Variants in ADAMTS17 observed in about 807,000 individuals in gnomAD.
The protein encoded by ADAMTS17 is A disintegrin and metalloproteinase with thrombospondin motifs 17.
A neutral mutation model predicts 141.5 loss-of-function variants in ADAMTS17; 113 were observed. That is an observed-to-expected ratio of 0.80 (90% CI 0.69 to 0.93). The LOEUF (loss-of-function observed/expected upper bound fraction) is 0.93. ADAMTS17 is among the 40% of genes least tolerant of loss of function. The pLI, the probability that ADAMTS17 is intolerant of heterozygous loss-of-function variation, is 0.00. For missense variants in ADAMTS17, 1,659 were observed against 1,517.9 expected, an observed-to-expected ratio of 1.09 and a Z score of -1.54; for synonymous variants, 768 against 630.6, an observed-to-expected ratio of 1.22 and a Z score of -3.27.
chr15:100,261,761 G>T, intron 5 of ADAMTS17, 125 bp from the exon 6 acceptor site: 1 of 1,058,798 alleles, frequency 9.4e-7, no homozygotes, highest in Non-Finnish European at 1.4e-6. Flanking sequence ...ATGACTCACG[G>T]CCCTCGAAGA....
chr15:100,071,833 T>C lies in ADAMTS17; in HGVS notation c.2138-17779A>G, dbSNP rs568451012. ...GGGCAAAAACTGGAAGCATTCCCTT[T>C]GAAAACTGGCACAAGACAGGGATGC... On this transcript the variant is annotated intron_variant, in intron 15 of 21. Coordinates refer to ENST00000268070, the MANE Select transcript of ADAMTS17 (RefSeq NM_139057.4). Among the ~76,000 whole-genome samples, 3 of 150,562 alleles carry C rather than the reference T, an allele frequency of 2.0e-5. No homozygotes were observed. The South Asian group carries it at 6.3e-4, about 32-fold the overall frequency.
intron 7 of ADAMTS17, among the ~76,000 whole-genome samples, chr15:100,218,611 A>G (rs1415549089): frequency 2.0e-5 from 3 of 152,220 alleles, no homozygotes; most frequent in Non-Finnish European, 2.9e-5. Flanking sequence ...ATCTTCCTAC[A>G]CTGCTGACAG....
At chr15:100,077,206 G>A (rs1399141905) in intron 15 of ADAMTS17, among the ~76,000 whole-genome samples, 6 of 149,454 alleles carry the variant, frequency 4.0e-5, no homozygotes, top group Non-Finnish European at 7.4e-5. Flanking sequence ...CAGTTTGGGA[G>A]GCTGAGACAG....
rs1419938299 is a variant in ADAMTS17 at position 100,098,667 on chromosome 15, A to AG, written c.2017-2192_2017-2191insC. The stretch of plus-strand genomic sequence containing the variant: ...AACAGAGCAAGAGTCCGTCTCAAAA[A>AG]AAAAAAAAATTATAAGGGCTAAGAA... On this transcript the variant is annotated intron_variant, in intron 14 of 21. Transcript: ENST00000268070. 2.0e-5 allele frequency among the ~76,000 whole-genome samples: 3 copies of AG among 151,874 alleles called. No individual in the cohort carries two copies. In the East Asian group the frequency reaches 5.8e-4, roughly 29 times the overall value.
intron 20 of ADAMTS17, among the ~76,000 whole-genome samples, chr15:99,985,514 C>CT (rs575757458): frequency 6.6e-6 from 1 of 152,316 alleles, no homozygotes; most frequent in African/African-American, 2.4e-5. Context: ...GACTCAAAGC[C>CT]TTTGGGGGAG....
intron 8 of ADAMTS17, among the ~76,000 whole-genome samples, chr15:100,196,995 A>G (rs2041142948): frequency 6.6e-6 from 1 of 152,270 alleles, no homozygotes; most frequent in African/African-American, 2.4e-5. Context: ...GGAGTTCAAT[A>G]GCAAGCTATA....
chr15:100,170,176 T>G (rs774468683), intron 8 of ADAMTS17, among the ~76,000 whole-genome samples: 13 of 152,102 alleles, frequency 8.5e-5, no homozygotes, highest in Non-Finnish European at 1.8e-4. Flanking sequence ...AACTTTGAAT[T>G]CTTTGTGACA....
intron 7 of ADAMTS17, among the ~76,000 whole-genome samples, chr15:100,210,573 G>A (rs757831041): frequency 2.7e-4 from 41 of 152,198 alleles, no homozygotes; most frequent in Admixed American, 4.6e-4. Flanking sequence ...ATCAGAGACC[G>A]CAAGCTGGCA....
intron 15 of ADAMTS17, among the ~76,000 whole-genome samples, chr15:100,086,584 A>G (rs979985597): frequency 3.9e-5 from 6 of 152,296 alleles, no homozygotes; most frequent in Middle Eastern, 3.4e-3. Flanking sequence ...AAAATTGACC[A>G]CTTAGTTGGA....
At chr15:100,083,258 C>T (rs1278508561) in intron 15 of ADAMTS17, among the ~76,000 whole-genome samples, 3 of 152,138 alleles carry the variant, frequency 2.0e-5, no homozygotes, top group Non-Finnish European at 2.9e-5. Context: ...CAGGAGTGAC[C>T]TCACTCTGCA....
intron 13 of ADAMTS17, among the ~76,000 whole-genome samples, chr15:100,111,927 C>T (rs994213730): frequency 5.9e-5 from 9 of 152,210 alleles, no homozygotes; most frequent in African/African-American, 2.2e-4. Flanking sequence ...CTTTTTCCAT[C>T]ATCGCAATTT....
rs545495340 is a variant in ADAMTS17 at position 100,044,831 on chromosome 15, G to A, written c.2591+4026C>T. The stretch of plus-strand genomic sequence containing the variant: ...GATTTTTTTTTTTTTTTTTTGAGAC[G>A]GAGTCTGGCTTAATCACCCAGGCTG... On this transcript the variant is annotated intron_variant, in intron 18 of 21. Coordinates refer to ENST00000268070, the MANE Select transcript of ADAMTS17 (RefSeq NM_139057.4). Among the ~76,000 whole-genome samples the A allele has an allele frequency of 1.4e-3, 204 of 148,592 alleles. 1 individual carries two copies. The highest frequency in any genetic ancestry group is 4.7e-3 in the African/African-American group (191 of 40,446).
At position 100,262,433 on chromosome 15, in the gene ADAMTS17, T is replaced by C. The variant is rs761204430; in HGVS notation, c.792A>G (p.Val264=). 12 of 1,612,604 alleles carry C rather than the reference T, an allele frequency of 7.4e-6. No individual in the cohort carries two copies. The highest frequency in any genetic ancestry group is 1.0e-5 in the Non-Finnish European group (12 of 1,179,154). Residue 264 remains valine, a splice_region_variant and synonymous_variant, in exon 5 of 22, where the codon GTA becomes GTG. Transcript: ENST00000268070. ...GGCTCTGGTGCTGAAACATATTGTA[T>C]ACCTATCAAGACAGAAAAAAGAAAT... ...QRFILTVMNM[V]YNMFQHQSLG...
intron 3 of ADAMTS17, among the ~76,000 whole-genome samples, chr15:100,292,029 ATCACGAGAGACGCTCAGCCCGTGGGGAG>A (rs1567496534): frequency 7.4e-5 from 11 of 149,600 alleles, no homozygotes; most frequent in Admixed American, 1.4e-4. Context: ...CCCGTGTGGA[ATCACGAGAGACGCTCAGCCCGTGGGGAG>A]TCACGAGAGA....
chr15:100,322,977 C>T (rs2045776376), intron 3 of ADAMTS17, among the ~76,000 whole-genome samples: 1 of 150,850 alleles, frequency 6.6e-6, no homozygotes, highest in Admixed American at 6.6e-5. Context: ...GTCCCAGCTA[C>T]TCAGGAGGCT....
At chr15:100,049,285 G>A (rs1049831138) in intron 17 of ADAMTS17, among the ~76,000 whole-genome samples, 1 of 152,200 alleles carries the variant, frequency 6.6e-6, no homozygotes, top group African/African-American at 2.4e-5. Flanking sequence ...GTTGATTTGG[G>A]CCTTTGATTT....
intron 8 of ADAMTS17, among the ~76,000 whole-genome samples, chr15:100,181,167 T>C (rs992016667): frequency 8.5e-5 from 13 of 152,050 alleles, no homozygotes; most frequent in African/African-American, 3.1e-4. Context: ...ACTCTTCAGT[T>C]TGTGGTGAAT....
chr15:99,974,737 C>G (rs113965483), intron 21 of ADAMTS17, among the ~76,000 whole-genome samples, 175 bp from the exon 22 acceptor site: 126 of 152,380 alleles, frequency 8.3e-4, no homozygotes, highest in African/African-American at 2.8e-3. Flanking sequence ...GTGCCACTTT[C>G]TGTCACAGGG....
intron 8 of ADAMTS17, among the ~76,000 whole-genome samples, chr15:100,189,594 T>C (rs1043747898): frequency 1.3e-5 from 2 of 152,186 alleles, no homozygotes; most frequent in Non-Finnish European, 2.9e-5. Context: ...AACAGGAACA[T>C]GTGCTCCTGC....
Sources: gnomAD v4.1 joint callset for allele counts (sites outside exome capture counted in the v4.1 genomes callset) on GRCh38, gnomAD v4.1.1 for gene constraint, MANE v1.5 for transcripts, NCBI Gene and HGNC (gene_info 2026-07-23, HGNC 2026-07-21) for gene names.